CCDC73: variants seen among roughly 807,000 people sequenced by gnomAD.
The protein encoded by CCDC73 is coiled-coil domain containing 73.
CCDC73 carries 95 observed loss-of-function variants against 116.5 expected under a neutral mutation model. That is an observed-to-expected ratio of 0.82 (90% confidence interval 0.69 to 0.97). The LOEUF (loss-of-function observed/expected upper bound fraction) is 0.97. CCDC73 is among the 50% of genes least tolerant of loss of function. CCDC73 has a pLI of 0.00. For synonymous variants in CCDC73, 398 were observed against 401.3 expected (o/e 0.99, Z 0.10); for missense variants, 1,066 against 1,206.8 (o/e 0.88, Z 1.73).
chr11:32,679,944 GA>G (rs1345855595), intron 7 of CCDC73: 1 of 152,150 alleles, frequency 6.6e-6, no homozygotes, highest in African/African-American at 2.4e-5. Context: ...TGAATTTAAT[GA>G]AAATGCAGTT....
chr11:32,764,327 T>G (rs1401107217), intron 1 of CCDC73, among the ~76,000 whole-genome samples: 1 of 151,990 alleles, frequency 6.6e-6, no homozygotes, highest in Non-Finnish European at 1.5e-5. Flanking sequence ...TCACCAAAGT[T>G]GAAATGAAGG....
intron 7 of CCDC73, 34 bp downstream of exon 7, chr11:32,683,502 A>T: frequency 7.2e-7 from 1 of 1,390,200 alleles, no homozygotes; most frequent in Non-Finnish European, 1.0e-6. Context: ...GTACTAATCC[A>T]GATGGGGGAA....
chr11:32,636,471 A>T (rs1855679870), intron 13 of CCDC73, among the ~76,000 whole-genome samples: 1 of 152,112 alleles, frequency 6.6e-6, no homozygotes, highest in Non-Finnish European at 1.5e-5. Flanking sequence ...GGAAAGGAGT[A>T]CTCTCACAGA....
At chr11:32,610,720 T>C (rs1305167141) in intron 17 of CCDC73, among the ~76,000 whole-genome samples, 1 of 152,232 alleles carries the variant, frequency 6.6e-6, no homozygotes, top group Non-Finnish European at 1.5e-5. Flanking sequence ...GAAATAGTTT[T>C]AAATTCTTTC....
chr11:32,734,200 C>T (rs1850105834), intron 2 of CCDC73, among the ~76,000 whole-genome samples: 1 of 152,146 alleles, frequency 6.6e-6, no homozygotes, highest in African/African-American at 2.4e-5. Context: ...TGGACACATA[C>T]ACCCTCCCAA....
At chr11:32,665,694 T>C (rs946102000) in intron 9 of CCDC73, among the ~76,000 whole-genome samples, 23 of 152,226 alleles carry the variant, frequency 1.5e-4, no homozygotes, top group Non-Finnish European at 2.2e-4. Flanking sequence ...AATTTGATTC[T>C]GTCATTATGA....
intron 6 of CCDC73, among the ~76,000 whole-genome samples, chr11:32,693,764 G>C (rs888592172): frequency 4.6e-5 from 7 of 152,180 alleles, no homozygotes; most frequent in Non-Finnish European, 1.0e-4. Context: ...TTCAACATAT[G>C]CAAATCAATA....
intron 2 of CCDC73, among the ~76,000 whole-genome samples, chr11:32,747,792 C>T (rs1425448425): frequency 3.3e-5 from 5 of 152,184 alleles, no homozygotes; most frequent in African/African-American, 4.8e-5. Flanking sequence ...CAGCCAGTTG[C>T]GAAGACCATG....
rs926251076 is a variant in CCDC73, at chr11:32,727,233, T to C, written c.136-9086A>G. Among the ~76,000 whole-genome samples the C allele has an allele frequency of 3.3e-5, 5 of 152,248 alleles. No homozygotes were observed. The East Asian group carries it at 7.7e-4, about 23-fold the overall frequency. On this transcript the variant is annotated intron_variant, in intron 2 of 17. Transcript: ENST00000335185. Reference sequence around the variant, plus strand: ...ATTTGATATTCATGTGAATCACTGATACCAACATGAATTATTTCTGGAGAT... The same window carrying C: ...ATTTGATATTCATGTGAATCACTGACACCAACATGAATTATTTCTGGAGAT...
intron 17 of CCDC73, among the ~76,000 whole-genome samples, chr11:32,607,114 A>G: frequency 1.2e-5 from 1 of 86,672 alleles, no homozygotes; most frequent in Admixed American, 1.8e-4. Flanking sequence ...TTTTTTTGAG[A>G]CGGAGTCTCG....
intron 17 of CCDC73, chr11:32,604,434 G>A (rs1276049293): frequency 1.3e-5 from 2 of 152,094 alleles, no homozygotes; most frequent in African/African-American, 4.8e-5. Context: ...GGATATACAC[G>A]TGTATTTTAG....
chr11:32,724,266 T>C (rs961274414), intron 2 of CCDC73, among the ~76,000 whole-genome samples: 1 of 152,152 alleles, frequency 6.6e-6, no homozygotes, highest in Admixed American at 6.5e-5. Context: ...AATTTAGAAT[T>C]CAAAAATTTA....
At chr11:32,698,787 A>G (rs1016641540) in intron 6 of CCDC73, among the ~76,000 whole-genome samples, 1 of 152,224 alleles carries the variant, frequency 6.6e-6, no homozygotes, top group Admixed American at 6.5e-5. Context: ...TATATATTGA[A>G]TGAATCATCA....
chr11:32,685,490 C>T (rs1856189826), intron 6 of CCDC73, among the ~76,000 whole-genome samples: 1 of 151,832 alleles, frequency 6.6e-6, no homozygotes, highest in Non-Finnish European at 1.5e-5. Context: ...AGCAAGTTCC[C>T]TAATGTGGAA....
rs947833412 is a variant in CCDC73 at position 32,690,126 on chromosome 11, A to G, written c.391-6552T>C. On this transcript the variant is annotated intron_variant, in intron 6 of 17. Coordinates refer to ENST00000335185, the MANE Select transcript of CCDC73 (RefSeq NM_001008391.4). Reference sequence around the variant, plus strand: ...TAGGAGTTTGAAAGGAGAAAATATAAAGACTCGTTGGGGAAGGTAATACTT... The same window carrying G: ...TAGGAGTTTGAAAGGAGAAAATATAGAGACTCGTTGGGGAAGGTAATACTT... Among the ~76,000 whole-genome samples, 10 of 151,464 alleles carry G rather than the reference A, an allele frequency of 6.6e-5. 1 individual carries two copies. The South Asian group carries it at 8.3e-4, about 13-fold the overall frequency.
At chr11:32,761,093 G>T (rs1850388010) in intron 1 of CCDC73, among the ~76,000 whole-genome samples, 1 of 152,048 alleles carries the variant, frequency 6.6e-6, no homozygotes. Context: ...TCTTCAAGCA[G>T]CTTCTCTGTG....
At chr11:32,671,398 C>CAAAA (rs58075036) in intron 9 of CCDC73, among the ~76,000 whole-genome samples, 1 of 122,418 alleles carries the variant, frequency 8.2e-6, no homozygotes, top group Non-Finnish European at 1.7e-5. Flanking sequence ...AACTTTGCTC[C>CAAAA]AAAAAAAAAA....
chr11:32,797,585 A>G (rs1289957156), upstream of CCDC73, among the ~76,000 whole-genome samples: 4 of 152,162 alleles, frequency 2.6e-5, no homozygotes, highest in African/African-American at 4.8e-5. Flanking sequence ...TCGACTCTAC[A>G]TATCTTTATT....
intron 13 of CCDC73, among the ~76,000 whole-genome samples, chr11:32,641,610 A>T (rs913924594): frequency 2.6e-5 from 4 of 151,746 alleles, no homozygotes; most frequent in African/African-American, 9.7e-5. Flanking sequence ...GTACATATAT[A>T]ATTATTTTAA....
Sources: gnomAD v4.1 joint callset for allele counts (sites outside exome capture counted in the v4.1 genomes callset) on GRCh38, gnomAD v4.1.1 for gene constraint, MANE v1.5 for transcripts, NCBI Gene and HGNC (gene_info 2026-07-23, HGNC 2026-07-21) for gene names.